ARMC9: variants seen among roughly 807,000 people sequenced by gnomAD.
The protein encoded by ARMC9 is armadillo repeat containing 9.
In ARMC9, 94 loss-of-function variants were observed where a neutral mutation model predicts 107.0. The ratio of observed to expected loss-of-function variants is 0.88; its 90% CI spans 0.74 to 1.04. The LOEUF (loss-of-function observed/expected upper bound fraction) is 1.04. Among genes scored for constraint, ARMC9 ranks in the 50% least tolerant of loss-of-function variants. The probability of loss-of-function intolerance (pLI) is 0.00; values close to 1 mark genes in which losing one functional copy is unlikely to be tolerated. For synonymous variants in ARMC9, 380 were observed against 396.9 expected (o/e 0.96, Z 0.51); for missense variants, 942 against 1,030.1 (o/e 0.91, Z 1.17).
chr2:231,313,489 A>C (rs1389736703), intron 19 of ARMC9, among the ~76,000 whole-genome samples: 1 of 152,220 alleles, frequency 6.6e-6, no homozygotes. Context: ...GATATAATTT[A>C]TATACCATAA....
chr2:231,243,604 G>C (rs2036501182), intron 9 of ARMC9, among the ~76,000 whole-genome samples: 1 of 152,198 alleles, frequency 6.6e-6, no homozygotes, highest in Non-Finnish European at 1.5e-5. Context: ...GGGAGGATGA[G>C]TTATGTTTAG....
At chr2:231,266,252 A>G (rs74908963) in intron 12 of ARMC9, among the ~76,000 whole-genome samples, 227 of 152,312 alleles carry the variant, frequency 1.5e-3, no homozygotes, top group African/African-American at 4.4e-3. Context: ...TTTCCATTCA[A>G]TAGGTCTATG....
At chr2:231,345,250 C>T (rs2044754000) in intron 21 of ARMC9, 160 bp downstream of exon 21, 1 of 1,324,922 alleles carries the variant, frequency 7.5e-7, no homozygotes, top group South Asian at 1.5e-5. Context: ...GAGGTTGAGT[C>T]CTTCTCCCTT....
intron 1 of ARMC9, among the ~76,000 whole-genome samples, chr2:231,200,675 AAAC>A (rs113415095): frequency 2.6e-5 from 4 of 151,280 alleles, no homozygotes; most frequent in East Asian, 1.9e-4. Flanking sequence ...CTCCATCTCA[AAAC>A]AACAAAATTA....
chr2:231,338,443 T>G (rs2044274777), intron 20 of ARMC9, among the ~76,000 whole-genome samples: 1 of 151,766 alleles, frequency 6.6e-6, no homozygotes, highest in Non-Finnish European at 1.5e-5. Flanking sequence ...GCCAGGGTGG[T>G]CTCGAACTCC....
rs79873567 is a variant in ARMC9 at position 231,296,824 on chromosome 2, G to A, written c.1773+571G>A. On this transcript the variant is annotated intron_variant, in intron 19 of 24. Transcript: ENST00000611582. ...AATGATGTAAAGAATGGTGACTCAG[G>A]GACTGTAGTTGGATTTTCAGATGAC... 7.9e-3 allele frequency among the ~76,000 whole-genome samples: 1,205 copies of A among 152,238 alleles called. 18 individuals carry two copies. Among genetic ancestry groups the A allele is most frequent in the Non-Finnish European group, 8.4e-3 (573 of 68,014 alleles).
chr2:231,328,853 C>T (rs1459931338), intron 19 of ARMC9, among the ~76,000 whole-genome samples: 6 of 104,224 alleles, frequency 5.8e-5, no homozygotes, highest in African/African-American at 1.3e-4. Flanking sequence ...CTTGCTCTGT[C>T]GCCCAGGCTG....
At chr2:231,355,384 A>G (rs1262164869) in intron 21 of ARMC9, among the ~76,000 whole-genome samples, 1 of 152,156 alleles carries the variant, frequency 6.6e-6, no homozygotes, top group African/African-American at 2.4e-5. Context: ...CTTGGCCAAC[A>G]CTTGCCACGG....
chr2:231,344,707 G>A (rs537612575), intron 20 of ARMC9, among the ~76,000 whole-genome samples: 4 of 152,220 alleles, frequency 2.6e-5, no homozygotes, highest in Admixed American at 2.0e-4. Context: ...ATGAGTTCCA[G>A]TAGATCAACC....
chr2:231,338,006 C>G (rs1265981428), intron 20 of ARMC9, among the ~76,000 whole-genome samples: 2 of 152,158 alleles, frequency 1.3e-5, no homozygotes, highest in African/African-American at 4.8e-5. Context: ...ATCAATCCAG[C>G]TAAAAATTCC....
intron 9 of ARMC9, among the ~76,000 whole-genome samples, chr2:231,252,110 A>C (rs1291283142): frequency 6.6e-6 from 1 of 152,216 alleles, no homozygotes; most frequent in Non-Finnish European, 1.5e-5. Flanking sequence ...AGAATGATAG[A>C]GAGTTTAGCA....
chr2:231,298,832 G>T (rs955551712), intron 19 of ARMC9, among the ~76,000 whole-genome samples: 1 of 152,092 alleles, frequency 6.6e-6, no homozygotes, highest in Admixed American at 6.5e-5. Context: ...TACTAGGGAA[G>T]CTGAGGCACG....
At position 231,374,448 on chromosome 2, in the gene ARMC9, G is replaced by A. The variant is rs1050157970; in HGVS notation, c.*2913G>A. 1.3e-5 allele frequency: 2 copies of A among 151,952 alleles called. No homozygotes were observed. The highest frequency in any genetic ancestry group is 2.9e-5 in the Non-Finnish European group (2 of 68,000). The allele number at this position is 151,952 out of a possible 1,614,324, so 9.4% of individuals were successfully genotyped here. A position where few individuals can be genotyped will look rare whatever the true frequency, so the allele number is the denominator to read the frequency against. ...GAGCTTAAATTAGGACCTGTGGTGG[G>A]GACTTTAATAGGCAGGTGGAGGTTT... is the stretch of plus-strand genomic sequence containing the variant. On this transcript the variant is annotated 3_prime_UTR_variant, in exon 25 of 25. Transcript: ENST00000611582.
chr2:231,337,475 T>G (rs1053690950), intron 20 of ARMC9, among the ~76,000 whole-genome samples: 14 of 129,998 alleles, frequency 1.1e-4, no homozygotes, highest in South Asian at 9.5e-4. Context: ...TTTTGTTTTT[T>G]TTTTTTTTTT....
At chr2:231,310,299 A>AGCTAC (rs1298141981) in intron 19 of ARMC9, among the ~76,000 whole-genome samples, 1 of 150,934 alleles carries the variant, frequency 6.6e-6, no homozygotes, top group Non-Finnish European at 1.5e-5. Context: ...CTGTAATCCC[A>AGCTAC]GCTACCCAGG....
chr2:231,350,460 C>T (rs1559496344), intron 21 of ARMC9, among the ~76,000 whole-genome samples: 1 of 151,710 alleles, frequency 6.6e-6, no homozygotes, highest in African/African-American at 2.4e-5. Flanking sequence ...CATTTCCTTG[C>T]TAGGAGAAAC....
At chr2:231,339,454 G>A (rs1186915105) in intron 20 of ARMC9, among the ~76,000 whole-genome samples, 2 of 152,102 alleles carry the variant, frequency 1.3e-5, no homozygotes, top group Non-Finnish European at 2.9e-5. Context: ...TTGTTTTAGA[G>A]ATATGATGTC....
chr2:231,352,666 GATAGATA>G (rs2045142562), intron 21 of ARMC9, among the ~76,000 whole-genome samples: 2 of 7,676 alleles, frequency 2.6e-4, no homozygotes, highest in East Asian at 5.2e-3. Flanking sequence ...TCACAGGATA[GATAGATA>G]GATAGATAGA....
chr2:231,264,827 C>T (rs575405453), intron 12 of ARMC9, among the ~76,000 whole-genome samples: 11 of 152,166 alleles, frequency 7.2e-5, no homozygotes, highest in Non-Finnish European at 1.5e-4. Flanking sequence ...AAATGAGCTG[C>T]TGGGCACAGT....
Sources: allele counts gnomAD v4.1 joint callset (sites outside exome capture counted in the v4.1 genomes callset), GRCh38; gene constraint gnomAD v4.1.1; transcripts MANE v1.5; gene names NCBI Gene and HGNC (gene_info 2026-07-23, HGNC 2026-07-21).